The following DNAJC15 variants were observed in gnomAD, a reference collection of about 807,000 sequenced individuals.
DNAJC15 encodes the protein dnaJ homolog subfamily C member 15.
DNAJC15 carries 27 observed loss-of-function variants against 22.4 expected under a neutral mutation model. The observed-to-expected ratio is 1.20, with a 90% CI of 0.89 to 1.66. The LOEUF (loss-of-function observed/expected upper bound fraction) is 1.66. DNAJC15 is among the 40% of genes most tolerant of loss of function. The pLI is 0.00. For missense variants in DNAJC15, 208 were observed against 187.1 expected, an observed-to-expected ratio of 1.11 and a Z score of -0.65; for synonymous variants, 79 against 63.2, an observed-to-expected ratio of 1.25 and a Z score of -1.19.
At chr13:43,024,206 G>C (rs12857072) in intron 1 of DNAJC15, among the ~76,000 whole-genome samples, 42,755 of 151,874 alleles carry the variant, frequency 0.28, 6,164 homozygotes, top group South Asian at 0.41. Context: ...CAAAGTCTCC[G>C]GCACAGAAAC....
intron 3 of DNAJC15, among the ~76,000 whole-genome samples, chr13:43,070,628 G>T (rs1000645416): frequency 2.0e-5 from 3 of 152,160 alleles, no homozygotes; most frequent in South Asian, 4.1e-4. Context: ...AGCCTCTGGT[G>T]TAAGAGCTTC....
At chr13:43,078,486 C>T (rs368543068) in intron 3 of DNAJC15, 126 bp from the exon 4 acceptor site, 21 of 607,722 alleles carry the variant, frequency 3.5e-5, no homozygotes, top group East Asian at 1.8e-4. Context: ...TGCTTCCCCC[C>T]GCCCCATAAT....
intron 1 of DNAJC15, among the ~76,000 whole-genome samples, chr13:43,065,035 G>C (rs1438525846): frequency 6.6e-6 from 1 of 151,110 alleles, no homozygotes; most frequent in East Asian, 1.9e-4. Context: ...TAAATCTTTT[G>C]TTATTGTGAC....
chr13:43,096,782 T>C (rs2040741831), intron 5 of DNAJC15, among the ~76,000 whole-genome samples: 1 of 152,182 alleles, frequency 6.6e-6, no homozygotes, highest in African/African-American at 2.4e-5. Flanking sequence ...ACCAATAGAA[T>C]ATAGCAAAAA....
rs368692406 is a variant in DNAJC15 at position 43,078,605 on chromosome 13, T to C, written c.235-7T>C. On this transcript the variant is annotated splice_region_variant and splice_polypyrimidine_tract_variant and intron_variant, in intron 3 of 5. Coordinates refer to ENST00000379221, the MANE Select transcript of DNAJC15 (RefSeq NM_013238.3). ...TAATGATTTCTTGCTCTTTCTTTCC[T>C]ATACAGAGCTTTTCATCCTACTATA... The C allele has an allele frequency of 1.9e-6, 3 of 1,610,920 alleles. No individual in the cohort carries two copies. Among genetic ancestry groups the C allele is most frequent in the Non-Finnish European group, 2.5e-6 (3 of 1,177,832 alleles).
intron 5 of DNAJC15, 108 bp from the exon 6 acceptor site, chr13:43,107,070 G>T (rs560033297): frequency 1.3e-5 from 11 of 836,200 alleles, no homozygotes; most frequent in Admixed American, 1.2e-4. Flanking sequence ...TTTGTCAGAG[G>T]ATTAATGTGT....
At chr13:43,054,825 A>T (rs1304835844) in intron 1 of DNAJC15, among the ~76,000 whole-genome samples, 1 of 152,164 alleles carries the variant, frequency 6.6e-6, no homozygotes, top group Non-Finnish European at 1.5e-5. Context: ...TTTCCTTCTA[A>T]CATAAAGTAG....
intron 1 of DNAJC15, among the ~76,000 whole-genome samples, chr13:43,036,166 C>CT (rs1181907862): frequency 0.017 from 2,082 of 125,870 alleles, 60 homozygotes; most frequent in African/African-American, 0.043. Flanking sequence ...CAGTTTCTGT[C>CT]TTTTTTTTTT....
At chr13:43,081,184 T>G (rs1045698085) in intron 4 of DNAJC15, among the ~76,000 whole-genome samples, 2 of 152,174 alleles carry the variant, frequency 1.3e-5, no homozygotes, top group African/African-American at 4.8e-5. Flanking sequence ...ACAAAAAGCC[T>G]GAATTATTTT....
At chr13:43,078,765 TTATAC>T in intron 4 of DNAJC15, 77 bp downstream of exon 4, 1 of 1,306,710 alleles carries the variant, frequency 7.7e-7, no homozygotes, top group East Asian at 2.4e-5. Flanking sequence ...TACAATAAGG[TTATAC>T]TTAGACTTAA....
intron 4 of DNAJC15, among the ~76,000 whole-genome samples, chr13:43,080,318 TTC>T (rs1446649111): frequency 2.0e-5 from 3 of 152,226 alleles, no homozygotes; most frequent in African/African-American, 7.2e-5. Flanking sequence ...ATATTTGGTT[TTC>T]TGTTTCTGCA....
chr13:43,023,658 G>GCGA lies in DNAJC15; in HGVS notation c.33_35dup (p.Gly11_Glu12insAsp). On this transcript the variant is annotated inframe_insertion, in exon 1 of 6. Transcript: ENST00000379221. ...GCCCGTGGTGTCATCGCTCCAGTTG[G>GCGA]CGAGAGTTTGCGCTACGCTGAGTAC... 6.2e-7 allele frequency: 1 copy of GCGA among 1,612,514 alleles called. No individual in the cohort carries two copies. The highest frequency in any genetic ancestry group is 8.5e-7 in the Non-Finnish European group (1 of 1,179,410).
chr13:43,028,315 A>C (rs1262279208), intron 1 of DNAJC15, among the ~76,000 whole-genome samples: 1 of 152,100 alleles, frequency 6.6e-6, no homozygotes, highest in African/African-American at 2.4e-5. Context: ...CATCATGTGC[A>C]CTTTCTCCTT....
chr13:43,034,040 AAAAAG>A (rs2040416028), intron 1 of DNAJC15, among the ~76,000 whole-genome samples: 2 of 151,708 alleles, frequency 1.3e-5, no homozygotes, highest in Admixed American at 6.6e-5. Context: ...AAAAAAAAAA[AAAAAG>A]AAAATGACTT....
At chr13:43,079,483 T>A (rs1411746158) in intron 4 of DNAJC15, among the ~76,000 whole-genome samples, 4 of 152,256 alleles carry the variant, frequency 2.6e-5, no homozygotes, top group Middle Eastern at 6.8e-3. Flanking sequence ...AGGAGCCCAG[T>A]TTAGTTTGGT....
intron 1 of DNAJC15, 116 bp downstream of exon 1, chr13:43,023,850 T>A (rs577148064): frequency 3.0e-6 from 3 of 987,218 alleles, no homozygotes; most frequent in Admixed American, 5.0e-5. Context: ...TCACGGTCTG[T>A]GCCCTAGCGC....
intron 1 of DNAJC15, among the ~76,000 whole-genome samples, chr13:43,039,932 T>C (rs563005077): frequency 1.3e-5 from 2 of 152,188 alleles, no homozygotes; most frequent in South Asian, 2.1e-4. Flanking sequence ...GACAGGAGAA[T>C]TGGTTGTACA....
intron 2 of DNAJC15, among the ~76,000 whole-genome samples, chr13:43,067,515 A>G (rs555093975): frequency 4.8e-4 from 73 of 152,324 alleles, no homozygotes; most frequent in Admixed American, 1.3e-3. Flanking sequence ...GAAATTAGAT[A>G]AAGATGTATT....
chr13:43,034,655 A>G (rs1172837248), intron 1 of DNAJC15, among the ~76,000 whole-genome samples: 7 of 152,040 alleles, frequency 4.6e-5, no homozygotes, highest in African/African-American at 1.7e-4. Flanking sequence ...TATTTATATT[A>G]GTTTGGTTTC....
Sources: gnomAD v4.1 joint callset for allele counts (sites outside exome capture counted in the v4.1 genomes callset) on GRCh38, gnomAD v4.1.1 for gene constraint, MANE v1.5 for transcripts, NCBI Gene and HGNC (gene_info 2026-07-23, HGNC 2026-07-21) for gene names.